The following SLAIN2 variants were observed in gnomAD, a reference collection of about 807,000 sequenced individuals.
SLAIN2 encodes SLAIN motif-containing protein 2.
SLAIN2 carries 31 observed loss-of-function variants against 56.6 expected under a neutral mutation model. The observed-to-expected ratio is 0.55, with a 90% CI of 0.41 to 0.74. The LOEUF (loss-of-function observed/expected upper bound fraction) is 0.74, where lower values mean the gene tolerates loss of function less well. Ranked by LOEUF, SLAIN2 falls within the 30% of genes least tolerant of loss-of-function variation. The pLI, the probability that SLAIN2 is intolerant of heterozygous loss-of-function variation, is 0.00. For missense variants in SLAIN2, 777 were observed against 754.2 expected (o/e 1.03, Z -0.35); for synonymous variants, 317 against 284.9 (o/e 1.11, Z -1.13).
chr4:48,377,860 T>C, intron 2 of SLAIN2, 36 bp from the exon 3 acceptor site: 1 of 1,580,910 alleles, frequency 6.3e-7, no homozygotes, highest in Admixed American at 1.9e-5. Context: ...TTTTTCTCAG[T>C]TGTTAAATTT....
chr4:48,392,317 G>T (rs543654470), intron 6 of SLAIN2, among the ~76,000 whole-genome samples: 3 of 152,248 alleles, frequency 2.0e-5, no homozygotes, highest in Non-Finnish European at 4.4e-5. Context: ...GTAGATAACT[G>T]TTGTTATTAC....
chr4:48,392,727 A>C (rs977689608), intron 6 of SLAIN2, among the ~76,000 whole-genome samples: 5 of 151,906 alleles, frequency 3.3e-5, no homozygotes, highest in Non-Finnish European at 7.4e-5. Context: ...CACTCTATTT[A>C]TAATTGCAAC....
chr4:48,418,923 A>G (rs897875488), intron 6 of SLAIN2, among the ~76,000 whole-genome samples: 1 of 152,142 alleles, frequency 6.6e-6, no homozygotes, highest in Non-Finnish European at 1.5e-5. Flanking sequence ...AATTTTTGAT[A>G]TTCATCTTTG....
At chr4:48,416,919 C>T (rs1717012247) in intron 6 of SLAIN2, among the ~76,000 whole-genome samples, 3 of 113,454 alleles carry the variant, frequency 2.6e-5, no homozygotes, top group Non-Finnish European at 5.3e-5. Context: ...CCAAAATTGA[C>T]ACCCTAACAT....
At chr4:48,408,811 A>G (rs1177913206) in intron 6 of SLAIN2, among the ~76,000 whole-genome samples, 2 of 152,142 alleles carry the variant, frequency 1.3e-5, no homozygotes, top group African/African-American at 4.8e-5. Context: ...GGTGTACCCT[A>G]CTGCAGACTT....
chr4:48,419,054 C>G (rs1717075884), intron 6 of SLAIN2, among the ~76,000 whole-genome samples: 1 of 151,448 alleles, frequency 6.6e-6, no homozygotes, highest in South Asian at 2.1e-4. Context: ...CAGTCTTTGG[C>G]TGTTACAAAG....
At chr4:48,404,853 C>T (rs1716652860) in intron 6 of SLAIN2, among the ~76,000 whole-genome samples, 1 of 152,132 alleles carries the variant, frequency 6.6e-6, no homozygotes, top group Non-Finnish European at 1.5e-5. Context: ...TTCCCTGGCC[C>T]ACATGTTTAT....
At chr4:48,403,754 T>A (rs1205839030) in intron 6 of SLAIN2, among the ~76,000 whole-genome samples, 1 of 152,178 alleles carries the variant, frequency 6.6e-6, no homozygotes, top group Non-Finnish European at 1.5e-5. Flanking sequence ...CCTAGGGTAA[T>A]GCATGGAGGG....
intron 6 of SLAIN2, among the ~76,000 whole-genome samples, chr4:48,418,160 C>G (rs796624885): frequency 6.0e-5 from 9 of 150,668 alleles, no homozygotes; most frequent in African/African-American, 2.2e-4. Context: ...TTCCTTCTCC[C>G]TCTTCTTCTT....
chr4:48,376,287 C>T (rs1448375394), intron 2 of SLAIN2, among the ~76,000 whole-genome samples: 1 of 151,980 alleles, frequency 6.6e-6, no homozygotes, highest in East Asian at 1.9e-4. Context: ...AACCTTGTCT[C>T]TACTAAAAAT....
intron 6 of SLAIN2, among the ~76,000 whole-genome samples, chr4:48,395,603 A>G (rs1043796518): frequency 6.6e-6 from 1 of 152,142 alleles, no homozygotes; most frequent in Non-Finnish European, 1.5e-5. Context: ...AGGTAAGTCA[A>G]ATAGGCAAAT....
intron 1 of SLAIN2, among the ~76,000 whole-genome samples, chr4:48,357,103 C>T (rs868257600): frequency 8.0e-5 from 12 of 150,454 alleles, no homozygotes; most frequent in South Asian, 2.1e-4. Context: ...CTCTAAAAAC[C>T]AGAAGAACAT....
intron 7 of SLAIN2, among the ~76,000 whole-genome samples, chr4:48,421,686 A>G (rs926182177): frequency 6.6e-6 from 1 of 151,954 alleles, no homozygotes; most frequent in African/African-American, 2.4e-5. Context: ...TATCACATTC[A>G]TCATTCTGCC....
At position 48,358,877 on chromosome 4, in the gene SLAIN2, C is replaced by T. The variant is rs545161762; in HGVS notation, c.390-10972C>T. Among the ~76,000 whole-genome samples the T allele has an allele frequency of 5.5e-3, 832 of 151,874 alleles. 3 individuals carry two copies. The highest frequency in any genetic ancestry group is 8.7e-3 in the Non-Finnish European group (592 of 67,950). ...CTGGGATTACAGGCTCCCGCAGCCA[C>T]GACTGGCTAATTTTTGTATTTTTAC... On this transcript the variant is annotated intron_variant, in intron 1 of 7. Coordinates refer to ENST00000264313, the MANE Select transcript of SLAIN2 (RefSeq NM_020846.2).
rs1717179402 is a variant in SLAIN2 at position 48,422,323 on chromosome 4, G to A, written c.*246G>A. On this transcript the variant is annotated 3_prime_UTR_variant, in exon 8 of 8. Transcript: ENST00000264313. Reference sequence around the variant, plus strand: ...GAATCACTTTTAGTTTTGTTTAATAGAAACTAGGTTGATTTTTAAAAAATA... The same window carrying A: ...GAATCACTTTTAGTTTTGTTTAATAAAAACTAGGTTGATTTTTAAAAAATA... The A allele has an allele frequency of 2.8e-6, 1 of 353,404 alleles. No individual in the cohort carries two copies. Among genetic ancestry groups the A allele is most frequent in the African/African-American group, 2.1e-5 (1 of 47,666 alleles). 21.9% of individuals were successfully genotyped at this position (353,404 alleles called of 1,614,324 possible).
At chr4:48,421,949 A>C in intron 7 of SLAIN2, 62 bp from the exon 8 acceptor site, 2 of 1,264,100 alleles carry the variant, frequency 1.6e-6, no homozygotes, top group Non-Finnish European at 1.1e-6. Flanking sequence ...TGTGTGAGAT[A>C]GTATGGTACT....
intron 6 of SLAIN2, among the ~76,000 whole-genome samples, chr4:48,393,789 GA>G (rs569581078): frequency 9.2e-5 from 14 of 152,254 alleles, no homozygotes; most frequent in African/African-American, 3.4e-4. Context: ...GTATATTGGG[GA>G]AATTGGAACC....
chr4:48,400,858 C>A (rs1435097674), intron 6 of SLAIN2, among the ~76,000 whole-genome samples: 1 of 151,716 alleles, frequency 6.6e-6, no homozygotes, highest in African/African-American at 2.4e-5. Context: ...GCTCTTGGTT[C>A]TCTAGTTCTT....
At chr4:48,355,737 G>A (rs550412231) in intron 1 of SLAIN2, among the ~76,000 whole-genome samples, 28 of 151,890 alleles carry the variant, frequency 1.8e-4, no homozygotes, top group African/African-American at 6.3e-4. Context: ...GGTTAAACAC[G>A]TATTTAATAT....
Sources: allele counts gnomAD v4.1 joint callset (sites outside exome capture counted in the v4.1 genomes callset), GRCh38; gene constraint gnomAD v4.1.1; transcripts MANE v1.5; gene names NCBI Gene and HGNC (gene_info 2026-07-23, HGNC 2026-07-21).